TTLL4: variants seen among roughly 807,000 people sequenced by gnomAD.
TTLL4 encodes tubulin monoglutamylase TTLL4.
A neutral mutation model predicts 122.7 loss-of-function variants in TTLL4; 85 were observed. The ratio of observed to expected loss-of-function variants is 0.69; its 90% CI spans 0.58 to 0.83. The LOEUF is 0.83. Ranked by LOEUF, TTLL4 falls within the 40% of genes least tolerant of loss-of-function variation. The probability of loss-of-function intolerance (pLI) is 0.00; values close to 1 mark genes in which losing one functional copy is unlikely to be tolerated. For synonymous variants in TTLL4, 553 were observed against 563.0 expected (o/e 0.98, Z 0.25); for missense variants, 1,363 against 1,488.6 (o/e 0.92, Z 1.39).
intron 2 of TTLL4, among the ~76,000 whole-genome samples, chr2:218,732,943 TGTGATACTGTC>T (rs1311262746): frequency 6.6e-6 from 1 of 152,218 alleles, no homozygotes; most frequent in Non-Finnish European, 1.5e-5. Context: ...AGCATTTGTA[TGTGATACTGTC>T]GTGAGTGATA....
At chr2:218,746,320 A>G (rs1009135442) in intron 8 of TTLL4, 89 bp downstream of exon 8, 3 of 1,429,992 alleles carry the variant, frequency 2.1e-6, no homozygotes, top group Non-Finnish European at 2.0e-6. Context: ...AGGGGGCGGG[A>G]AGAGGATGAT....
Position 218,720,147 on chromosome 2 carries a change from G to A in TTLL4, c.-177-7122G>A, listed in dbSNP as rs531893943. On this transcript the variant is annotated intron_variant, in intron 1 of 19. Coordinates refer to ENST00000392102, the MANE Select transcript of TTLL4 (RefSeq NM_014640.5). ...ACACTAGATTGAAGTGGTTGGACAT[G>A]CATTTGGAAAGGTGGAACAGGCAGT... Among the ~76,000 whole-genome samples the A allele has an allele frequency of 2.0e-5, 3 of 152,314 alleles. No individual in the cohort carries two copies. In the East Asian group the frequency reaches 5.8e-4, roughly 29 times the overall value.
rs140126768 is a variant in TTLL4, at chr2:218,748,394, C to T, written c.2501+167C>T. 5 of 1,129,810 alleles carry T rather than the reference C, an allele frequency of 4.4e-6. No individual in the cohort carries two copies. In the East Asian group the frequency reaches 1.1e-4, roughly 25 times the overall value. 70.0% of individuals were successfully genotyped at this position (1,129,810 alleles called of 1,614,324 possible). On this transcript the variant is annotated intron_variant, in intron 12 of 19. Coordinates refer to ENST00000392102, the MANE Select transcript of TTLL4 (RefSeq NM_014640.5). Reference sequence around the variant, plus strand: ...TTGAGGCCGGATGTGGTGGCTCACGCCTGTAATCCTAGCACTTTGGGAGGC... The same window carrying T: ...TTGAGGCCGGATGTGGTGGCTCACGTCTGTAATCCTAGCACTTTGGGAGGC...
intron 5 of TTLL4, among the ~76,000 whole-genome samples, chr2:218,741,495 T>A (rs1554622): frequency 6.6e-6 from 1 of 151,972 alleles, no homozygotes; most frequent in African/African-American, 2.4e-5. Flanking sequence ...TGTGAAATGT[T>A]ATGGTGTGGC....
chr2:218,714,719 A>C (rs1941808728), intron 1 of TTLL4, among the ~76,000 whole-genome samples: 1 of 151,776 alleles, frequency 6.6e-6, no homozygotes, highest in African/African-American at 2.4e-5. Context: ...GCTCTTTGGA[A>C]TCTTCAGTTA....
At chr2:218,749,937 C>A in intron 14 of TTLL4, 72 bp from the exon 15 acceptor site, 1 of 1,568,478 alleles carries the variant, frequency 6.4e-7, no homozygotes. Context: ...GAGACTAGCC[C>A]TGAGTTGCAC....
chr2:218,713,183 C>T (rs1941763041), intron 1 of TTLL4, among the ~76,000 whole-genome samples: 3 of 152,082 alleles, frequency 2.0e-5, no homozygotes, highest in Admixed American at 1.3e-4. Context: ...AATTCGAGAC[C>T]AGCCTGGGCA....
Position 218,754,599 on chromosome 2 carries a change from T to C in TTLL4, c.*210T>C, listed in dbSNP as rs1347119816. On this transcript the variant is annotated 3_prime_UTR_variant, in exon 20 of 20. Coordinates refer to ENST00000392102, the MANE Select transcript of TTLL4 (RefSeq NM_014640.5). ...GAGAAGGTGAGGAAGGGTCACCCTC[T>C]GTCACCTGTCTGCCTGGCTGGCACC... 11 of 666,270 alleles carry C rather than the reference T, an allele frequency of 1.7e-5. No homozygotes were observed. The highest frequency in any genetic ancestry group is 2.5e-5 in the Non-Finnish European group (10 of 403,172). 41.3% of individuals were successfully genotyped at this position (666,270 alleles called of 1,614,324 possible).
downstream of TTLL4, among the ~76,000 whole-genome samples, chr2:218,758,854 C>G (rs1158823855): frequency 6.6e-6 from 1 of 152,208 alleles, no homozygotes; most frequent in Non-Finnish European, 1.5e-5. Context: ...GCAGCTTATT[C>G]ATAGTAGCAA....
rs1358915392 is a variant in TTLL4 at position 218,747,311 on chromosome 2, G to A, written c.2188G>A (p.Gly730Ser). The A allele has an allele frequency of 1.9e-6, 3 of 1,614,078 alleles. No individual in the cohort carries two copies. Among genetic ancestry groups the A allele is most frequent in the Non-Finnish European group, 2.5e-6 (3 of 1,180,060 alleles). The change falls in exon 10 of 20, where the codon GGC becomes AGC. Residue 730 changes from glycine (G) to serine (S), a missense_variant. Physicochemically the swap from Gly to Ser is moderately conservative, Grantham distance 56 (BLOSUM62 0). Around this residue, in one of 3 missense-constraint regions of TTLL4, gnomAD observed 596 missense variants for 655.8 expected, o/e 0.91. Transcript: ENST00000392102. This position sits in a 1 kb window ranked among gnomAD's most constrained non-coding sequence, Gnocchi z 4.7. ...CTAGCCAGCATCAGCTCGAGGCATT[G>A]GCATCCAGGTTATTCACAAGTGGAG... Reference protein sequence around the residue: ...VKPPASARGIGIQVIHKWSQL... With the variant: ...VKPPASARGISIQVIHKWSQL...
At chr2:218,740,322 G>T (rs2106438236) in intron 4 of TTLL4, among the ~76,000 whole-genome samples, 155 bp downstream of exon 4, 1 of 152,272 alleles carries the variant, frequency 6.6e-6, no homozygotes, top group Middle Eastern at 3.4e-3. Context: ...TAGAGGACTT[G>T]GGTCTCTAGT....
intron 2 of TTLL4, among the ~76,000 whole-genome samples, chr2:218,729,645 G>A (rs1030303281): frequency 2.0e-5 from 3 of 150,212 alleles, no homozygotes; most frequent in Non-Finnish European, 2.9e-5. Flanking sequence ...ACTAACTTTC[G>A]TGTATTGATT....
rs1442047257 is a variant in TTLL4 at position 218,740,120 on chromosome 2, A to G, written c.1550A>G (p.Asp517Gly). 5 of 1,614,058 alleles carry G rather than the reference A, an allele frequency of 3.1e-6. No individual in the cohort carries two copies. Among genetic ancestry groups the G allele is most frequent in the Admixed American group, 1.7e-5 (1 of 59,996 alleles). The change falls in exon 4 of 20, where the codon GAT becomes GGT. Residue 517 changes from aspartate to glycine, a missense_variant. By Grantham distance (94) the Asp-to-Gly change is moderately conservative. Transcript: ENST00000392102. Reference sequence around the variant, plus strand: ...GAAGATACAGAAGAAGAACTAGTAGATGGTTTGGAAGACTGTTGTAGCCGT... The same window carrying G: ...GAAGATACAGAAGAAGAACTAGTAGGTGGTTTGGAAGACTGTTGTAGCCGT... ...ETEDTEEELVDGLEDCCSRDE... is the reference protein window; with the variant it reads ...ETEDTEEELVGGLEDCCSRDE...
Position 218,736,107 on chromosome 2 carries a change from T to C in TTLL4, c.-98-1472T>C, listed in dbSNP as rs1397464433. ...TTCATACCTCAGCTTCCCAGGTAGC[T>C]GGGACCACAGGCATGCGCCACCATA... On this transcript the variant is annotated intron_variant, in intron 2 of 19. Coordinates refer to ENST00000392102, the MANE Select transcript of TTLL4 (RefSeq NM_014640.5). 5.3e-5 allele frequency among the ~76,000 whole-genome samples: 8 copies of C among 151,736 alleles called. No homozygotes were observed. The East Asian group carries it at 1.6e-3, about 29-fold the overall frequency.
chr2:218,752,720 A>T (rs1437469693), intron 16 of TTLL4, 43 bp from the exon 17 acceptor site: 1 of 1,607,194 alleles, frequency 6.2e-7, no homozygotes, highest in East Asian at 2.2e-5. Flanking sequence ...CCCCTGGCTT[A>T]CACTCTCTCA....
At chr2:218,755,596 G>T (rs1943136230), downstream of TTLL4, among the ~76,000 whole-genome samples, 1 of 152,136 alleles carries the variant, frequency 6.6e-6, no homozygotes, top group African/African-American at 2.4e-5. Context: ...TGCACTTAGT[G>T]GTTGCTGCTT....
chr2:218,713,088 C>T (rs1302318468), intron 1 of TTLL4, among the ~76,000 whole-genome samples: 1 of 151,968 alleles, frequency 6.6e-6, no homozygotes, highest in African/African-American at 2.4e-5. Context: ...TAGTTAATAC[C>T]TATTTTAAGA....
At chr2:218,737,047 G>A (rs1458744085) in intron 2 of TTLL4, among the ~76,000 whole-genome samples, 1 of 152,046 alleles carries the variant, frequency 6.6e-6, no homozygotes, top group African/African-American at 2.4e-5. Context: ...TTGCCATGTT[G>A]GGCAGGTTGG....
At chr2:218,745,352 T>C in intron 6 of TTLL4, 119 bp downstream of exon 6, 5 of 1,368,006 alleles carry the variant, frequency 3.7e-6, no homozygotes, top group East Asian at 2.3e-5. Flanking sequence ...GTGGCAGTTG[T>C]CACACTGTGC....
Sources: gnomAD v4.1 joint callset for allele counts (sites outside exome capture counted in the v4.1 genomes callset) on GRCh38, gnomAD v4.1.1 for gene constraint, gnomAD v4.1.1 regional missense constraint, Gnocchi (gnomAD v3.1) non-coding constraint, MANE v1.5 for transcripts, NCBI Gene and HGNC (gene_info 2026-07-23, HGNC 2026-07-21) for gene names.